The following TMC6 variants were observed in gnomAD, a reference collection of about 807,000 sequenced individuals.
TMC6 encodes the protein transmembrane channel like 6.
In TMC6, 71 loss-of-function variants were observed where a neutral mutation model predicts 95.4. That is an observed-to-expected ratio of 0.74 (90% CI 0.61 to 0.91). TMC6 has a LOEUF of 0.91. TMC6 is among the 40% of genes least tolerant of loss of function. TMC6 has a pLI of 0.00. For synonymous variants in TMC6, 514 were observed against 483.1 expected (o/e 1.06, Z -0.84); for missense variants, 1,074 against 1,079.1 (o/e 1.00, Z 0.07).
In TMC6 at chr17:78,122,127, C is replaced by G. The variant is rs2074444039; in HGVS notation, c.1228-416G>C. Among the ~76,000 whole-genome samples the G allele has an allele frequency of 6.6e-6, 1 of 152,132 alleles. No homozygotes were observed. Among genetic ancestry groups the G allele is most frequent in the Non-Finnish European group, 1.5e-5 (1 of 68,026 alleles). Reference sequence around the variant, plus strand: ...GCTCTGAGCTCCTTGAAGCACAGAACCCCAGAAAGGCAGAGAATGTTCCAC... The same window carrying G: ...GCTCTGAGCTCCTTGAAGCACAGAAGCCCAGAAAGGCAGAGAATGTTCCAC... On this transcript the variant is annotated intron_variant, in intron 10 of 19. Transcript: ENST00000590602. This position sits in a 1 kb window ranked among gnomAD's most constrained non-coding sequence, Gnocchi z 4.9.
In TMC6 at chr17:78,111,811, C is replaced by A; in HGVS notation, c.*1337G>T. 4.8e-6 allele frequency: 1 copy of A among 206,650 alleles called. No homozygotes were observed. The highest frequency in any genetic ancestry group is 1.0e-5 in the Non-Finnish European group (1 of 99,670). 12.8% of individuals were successfully genotyped at this position (206,650 alleles called of 1,614,324 possible). Reference sequence around the variant, plus strand: ...CCATTTCCCCACCTGGGTTCATTCCCCCAATCCCAAGCGCAGCTCCTGCAG... The same window carrying A: ...CCATTTCCCCACCTGGGTTCATTCCACCAATCCCAAGCGCAGCTCCTGCAG... On this transcript the variant is annotated 3_prime_UTR_variant, in exon 20 of 20. Coordinates refer to ENST00000590602, the MANE Select transcript of TMC6 (RefSeq NM_001127198.5).
chr17:78,129,766 C>T (rs1407104525), upstream of TMC6, among the ~76,000 whole-genome samples: 1 of 152,190 alleles, frequency 6.6e-6, no homozygotes, highest in Non-Finnish European at 1.5e-5. This position sits in a 1 kb window ranked among gnomAD's most constrained non-coding sequence, Gnocchi z 4.3. Flanking sequence ...CCCTGCCTCT[C>T]CTCCCACTGC....
rs1219268219 is a variant in TMC6 at position 78,109,646 on chromosome 17, T to C, written c.*3502A>G. On this transcript the variant is annotated 3_prime_UTR_variant, in exon 20 of 20. Transcript: ENST00000590602. ...CCCATCTCAAAAAAGCAGAAGCACA[T>C]TTCCGAAGCCCCCCAAGCCCACGGG... The C allele has an allele frequency of 9.2e-6, 4 of 435,662 alleles. No individual in the cohort carries two copies. Among genetic ancestry groups the C allele is most frequent in the East Asian group, 7.0e-5 (1 of 14,248 alleles). The allele number at this position is 435,662 out of a possible 1,614,324, so 27.0% of individuals were successfully genotyped here.
intron 18 of TMC6, among the ~76,000 whole-genome samples, chr17:78,116,175 C>T (rs2074100490): frequency 6.6e-6 from 1 of 151,860 alleles, no homozygotes; most frequent in South Asian, 2.1e-4. Context: ...CGGGGTTTTG[C>T]CATGATGGTC....
chr17:78,113,034 G>A lies in TMC6; in HGVS notation c.*114C>T, dbSNP rs1472330881. Reference sequence around the variant, plus strand: ...CCAGCTCCAGCCTAGGCGCAGCTGCGGCTTTCGAGAGGCGAAACTGTCTTC... The same window carrying A: ...CCAGCTCCAGCCTAGGCGCAGCTGCAGCTTTCGAGAGGCGAAACTGTCTTC... On this transcript the variant is annotated 3_prime_UTR_variant, in exon 20 of 20. Coordinates refer to ENST00000590602, the MANE Select transcript of TMC6 (RefSeq NM_001127198.5). 24 of 1,288,836 alleles carry A rather than the reference G, an allele frequency of 1.9e-5. No individual in the cohort carries two copies. The highest frequency in any genetic ancestry group is 2.0e-4 in the Middle Eastern group (1 of 4,952). 79.8% of individuals were successfully genotyped at this position (1,288,836 alleles called of 1,614,324 possible). A position where few individuals can be genotyped will look rare whatever the true frequency, so the allele number is the denominator to read the frequency against.
chr17:78,131,671 G>T (rs759727058), upstream of TMC6: 2 of 1,570,558 alleles, frequency 1.3e-6, no homozygotes, highest in Non-Finnish European at 1.7e-6. Flanking sequence ...GAGATGGAGC[G>T]GCTGCGCGGC....
At position 78,117,396 on chromosome 17, in the gene TMC6, C is replaced by T. The variant is rs199943470; in HGVS notation, c.2199-49G>A. 1,327 of 1,612,250 alleles carry T rather than the reference C, an allele frequency of 8.2e-4. 15 individuals are homozygous for T. In the African/African-American group the frequency reaches 0.015, roughly 18 times the overall value. ...AGGGCCCAGGGCCACAGCCCGGGAG[C>T]GGCCAGTCCCCACACGGTGCAGGCC... On this transcript the variant is annotated intron_variant, in intron 17 of 19. Coordinates refer to ENST00000590602, the MANE Select transcript of TMC6 (RefSeq NM_001127198.5).
rs1234204459 is a variant in TMC6, at chr17:78,124,898, G to A, written c.624C>T (p.Ala208=). The change falls in exon 7 of 20, where the codon GCC becomes GCT. Residue 208 remains alanine (A), a synonymous_variant. Transcript: ENST00000590602. Reference sequence around the variant, plus strand: ...GACCAGGGGCCCATACCAGCACGCAGGCATATCTGAGCCGGCCACAGCAGG... The same window carrying A: ...GACCAGGGGCCCATACCAGCACGCAAGCATATCTGAGCCGGCCACAGCAGG... ...VCSCCGRLRY[A]CVLALHSLGL... 6.3e-7 allele frequency: 1 copy of A among 1,597,278 alleles called. No individual in the cohort carries two copies. Among genetic ancestry groups the A allele is most frequent in the African/African-American group, 1.3e-5 (1 of 74,836 alleles).
intron 18 of TMC6, 88 bp from the exon 19 acceptor site, chr17:78,113,712 C>T (rs537750859): frequency 1.5e-6 from 2 of 1,370,270 alleles, no homozygotes; most frequent in Non-Finnish European, 1.0e-6. Flanking sequence ...TGAGGGAAAA[C>T]TCACGAGGTG....
In TMC6 at chr17:78,119,041, C is replaced by A; in HGVS notation, c.1817G>T (p.Gly606Val). The change falls in exon 15 of 20, where the codon GGG becomes GTG. Residue 606 changes from glycine to valine, a missense_variant. Gly to Val is a moderately radical substitution (Grantham distance 109). Coordinates refer to ENST00000590602, the MANE Select transcript of TMC6 (RefSeq NM_001127198.5). ...LIYGQTLTWL[G>V]VLFSPLLPAV... is the part of the protein sequence containing the mutation. ...GGGGAGGAGGGGCGAGAAGAGCACC[C>A]CCAGCCTGGGGAGGGGGTGGCAGTT... The A allele has an allele frequency of 6.3e-7, 1 of 1,590,200 alleles. No individual in the cohort carries two copies. Among genetic ancestry groups the A allele is most frequent in the East Asian group, 2.3e-5 (1 of 43,632 alleles).
intron 1 of TMC6, among the ~76,000 whole-genome samples, chr17:78,127,251 GCA>G (rs2074764813): frequency 6.6e-6 from 1 of 152,296 alleles, no homozygotes; most frequent in South Asian, 2.1e-4. Context: ...CAGGGTTCTG[GCA>G]CAGAGACACC....
At position 78,120,984 on chromosome 17, in the gene TMC6, A is replaced by G. The variant is rs773499019; in HGVS notation, c.1535+29T>C. On this transcript the variant is annotated intron_variant, in intron 12 of 19. Coordinates refer to ENST00000590602, the MANE Select transcript of TMC6 (RefSeq NM_001127198.5). ...AACAACCAGTATCAGCTCCAGCACC[A>G]AATGATGTTTTCATGTGCGGCCACA... 1.6e-5 allele frequency: 26 copies of G among 1,613,052 alleles called. No individual in the cohort carries two copies. The Middle Eastern group carries it at 4.9e-4, about 31-fold the overall frequency.
Position 78,122,511 on chromosome 17 carries a change from TA to T in TMC6, c.1227+93del. ...GCTCACGGACAGCTGGCCCTCCCTC[TA>T]GACCATGGTTCTGGTCACATGGTCC... is the stretch of plus-strand genomic sequence containing the variant. On this transcript the variant is annotated intron_variant, in intron 10 of 19. Coordinates refer to ENST00000590602, the MANE Select transcript of TMC6 (RefSeq NM_001127198.5). The surrounding 1 kb of genome is among the most constrained non-coding windows in gnomAD (Gnocchi z 4.9). 1 of 1,559,290 alleles carries T rather than the reference TA, an allele frequency of 6.4e-7. No individual in the cohort carries two copies. The highest frequency in any genetic ancestry group is 8.7e-7 in the Non-Finnish European group (1 of 1,154,728).
chr17:78,125,337 A>C, intron 5 of TMC6, 74 bp from the exon 6 acceptor site: 1 of 1,362,118 alleles, frequency 7.3e-7, no homozygotes, highest in South Asian at 1.2e-5. Context: ...GACCCTGGTC[A>C]GGCCTGTGTG....
chr17:78,120,341 G>A (rs577122147), intron 13 of TMC6: 69 of 441,742 alleles, frequency 1.6e-4, no homozygotes, highest in African/African-American at 1.3e-3. Flanking sequence ...TGTATTTTTA[G>A]TAGAGACGGG....
rs756124478 is a variant in TMC6 at position 78,121,093 on chromosome 17, C to T, written c.1455G>A (p.Gly485=). 2 of 1,612,674 alleles carry T rather than the reference C, an allele frequency of 1.2e-6. No homozygotes were observed. The highest frequency in any genetic ancestry group is 4.5e-5 in the East Asian group (2 of 44,868). Residue 485 remains glycine (G), a synonymous_variant, in exon 12 of 20, where the codon GGG becomes GGA. Coordinates refer to ENST00000590602, the MANE Select transcript of TMC6 (RefSeq NM_001127198.5). This position sits in a 1 kb window ranked among gnomAD's most constrained non-coding sequence, Gnocchi z 5.6. Reference sequence around the variant, plus strand: ...CCAGGACACGGCACAGGTAGGGGGCCCCCAGGTTGAGGAGGCCAACCACCA... The same window carrying T: ...CCAGGACACGGCACAGGTAGGGGGCTCCCAGGTTGAGGAGGCCAACCACCA... ...LPLVVGLLNL[G]APYLCRVLAA...
rs765966901 is a variant in TMC6 at position 78,126,632 on chromosome 17, A to G, written c.73T>C (p.Tyr25His). The G allele has an allele frequency of 1.1e-5, 17 of 1,613,220 alleles. No homozygotes were observed. The African/African-American group carries it at 2.0e-4, about 19-fold the overall frequency. ...PGDQGQGPSP[Y>H]DESEVHDSFQ... is the part of the protein sequence containing the mutation. ...GAGTCGTGCACTTCGCTTTCATCATAGGGGCTGGGGCCCTGGCTGCAGAGG... is the reference window on the plus strand; with the variant it reads ...GAGTCGTGCACTTCGCTTTCATCATGGGGGCTGGGGCCCTGGCTGCAGAGG... The change falls in exon 3 of 20, where the codon TAT becomes CAT. Residue 25 changes from tyrosine (Y) to histidine (H), a missense_variant. By Grantham distance (83) the Tyr-to-His change is moderately conservative. Coordinates refer to ENST00000590602, the MANE Select transcript of TMC6 (RefSeq NM_001127198.5).
In TMC6 at chr17:78,125,189, G is replaced by T; in HGVS notation, c.505C>A (p.Pro169Thr). ...AQRDHMLRGM[P>T]LSLAEKRSLR... ...CTGCGTTTCTCAGCCAGGCTTAAGG[G>T]CATCCCGCGAAGCATGTGGTCCCGC... The change falls in exon 6 of 20, where the codon CCC (proline) becomes ACC (threonine). Residue 169 changes from proline to threonine, a missense_variant. Transcript: ENST00000590602. The T allele has an allele frequency of 6.3e-7, 1 of 1,583,620 alleles. No homozygotes were observed. The highest frequency in any genetic ancestry group is 8.6e-7 in the Non-Finnish European group (1 of 1,164,596).
Position 78,125,272 on chromosome 17 carries a change from G to C in TMC6, c.431-9C>G, listed in dbSNP as rs1224775830. On this transcript the variant is annotated splice_polypyrimidine_tract_variant and intron_variant, in intron 5 of 19. Coordinates refer to ENST00000590602, the MANE Select transcript of TMC6 (RefSeq NM_001127198.5). ...CAGGAGGCTCTGCTTCTCTGCGAGAGGGAGAGGGAGGTCCTGCCCATCCCC... is the reference window on the plus strand; with the variant it reads ...CAGGAGGCTCTGCTTCTCTGCGAGACGGAGAGGGAGGTCCTGCCCATCCCC... 6.4e-7 allele frequency: 1 copy of C among 1,557,342 alleles called. No homozygotes were observed.
Sources: gnomAD v4.1 joint callset for allele counts (sites outside exome capture counted in the v4.1 genomes callset) on GRCh38, gnomAD v4.1.1 for gene constraint, Gnocchi (gnomAD v3.1) non-coding constraint, MANE v1.5 for transcripts, NCBI Gene and HGNC (gene_info 2026-07-23, HGNC 2026-07-21) for gene names.